The following STK3 variants were observed in gnomAD, a reference collection of about 807,000 sequenced individuals.
STK3 encodes serine/threonine-protein kinase 3.
In STK3, 41 loss-of-function variants were observed where a neutral mutation model predicts 58.0. The observed-to-expected ratio is 0.71, with a 90% CI of 0.55 to 0.92. The LOEUF (loss-of-function observed/expected upper bound fraction) is 0.92, where lower values mean the gene tolerates loss of function less well. Among genes scored for constraint, STK3 ranks in the 40% least tolerant of loss-of-function variants. The probability of loss-of-function intolerance (pLI) is 0.00; values close to 1 mark genes in which losing one functional copy is unlikely to be tolerated. For missense variants in STK3, 479 were observed against 602.7 expected (o/e 0.79, Z 2.15); for synonymous variants, 170 against 191.0 (o/e 0.89, Z 0.91).
chr8:98,568,730 A>G (rs1440574244), intron 8 of STK3, among the ~76,000 whole-genome samples: 1 of 152,222 alleles, frequency 6.6e-6, no homozygotes. Flanking sequence ...ATGAAAAAAT[A>G]GCAAGTTTGG....
intron 1 of STK3, among the ~76,000 whole-genome samples, chr8:98,443,156 T>C (rs546792942): frequency 2.0e-4 from 31 of 152,232 alleles, no homozygotes; most frequent in Non-Finnish European, 3.7e-4. Flanking sequence ...GAGAAACTCA[T>C]GTCTCTCCCT....
intron 3 of STK3, among the ~76,000 whole-genome samples, chr8:98,433,620 C>G (rs1818381749): frequency 6.6e-6 from 1 of 152,186 alleles, no homozygotes; most frequent in East Asian, 1.9e-4. Flanking sequence ...GCCCTCCCTA[C>G]CCACTTCTTC....
chr8:98,753,068 A>C (rs1419920845), intron 3 of STK3, among the ~76,000 whole-genome samples: 3 of 152,188 alleles, frequency 2.0e-5, no homozygotes. Flanking sequence ...TCAAAGACCT[A>C]GAGACCTAGA....
At chr8:98,726,543 C>G (rs1489373064) in intron 4 of STK3, among the ~76,000 whole-genome samples, 2 of 152,294 alleles carry the variant, frequency 1.3e-5, no homozygotes, top group East Asian at 3.9e-4. Context: ...AGAACTCATA[C>G]TCACTCCATG....
chr8:98,849,982 T>A (rs1018762950), intron 3 of STK3, among the ~76,000 whole-genome samples: 7 of 152,194 alleles, frequency 4.6e-5, no homozygotes, highest in African/African-American at 1.7e-4. Flanking sequence ...TTTCTGTATC[T>A]ATTATTCAAT....
intron 6 of STK3, 37 bp downstream of exon 6, chr8:98,706,430 T>A (rs1223784300): frequency 6.4e-7 from 1 of 1,562,740 alleles, no homozygotes. Context: ...AACACTTATA[T>A]AAGGCTAACA....
chr8:98,425,201 C>T (rs1399776698), intron 3 of STK3, among the ~76,000 whole-genome samples: 1 of 152,198 alleles, frequency 6.6e-6, no homozygotes, highest in Non-Finnish European at 1.5e-5. Flanking sequence ...TGTGTGGGAG[C>T]CACAGACCTC....
intron 3 of STK3, among the ~76,000 whole-genome samples, chr8:98,754,269 T>A (rs1830154600): frequency 6.6e-6 from 1 of 151,598 alleles, no homozygotes; most frequent in South Asian, 2.1e-4. Context: ...AAAAAAAAAA[T>A]TCTTTACATG....
At chr8:98,847,690 C>A (rs767322823) in intron 3 of STK3, among the ~76,000 whole-genome samples, 9 of 151,726 alleles carry the variant, frequency 5.9e-5, no homozygotes, top group Non-Finnish European at 8.8e-5. Flanking sequence ...CAGCCAGGAT[C>A]TTTTTCCCTC....
intron 10 of STK3, among the ~76,000 whole-genome samples, chr8:98,460,516 G>A (rs764855957): frequency 2.0e-5 from 3 of 152,194 alleles, no homozygotes; most frequent in Non-Finnish European, 4.4e-5. Flanking sequence ...ATTTTGAAAC[G>A]TAAGGACATG....
intron 3 of STK3, among the ~76,000 whole-genome samples, chr8:98,839,019 C>T (rs1383968357): frequency 3.8e-5 from 5 of 133,132 alleles, no homozygotes; most frequent in Middle Eastern, 3.9e-3. Flanking sequence ...TGTGTGTGTG[C>T]GCTTGTGGCT....
At chr8:98,906,883 C>T (rs1446991240) in intron 1 of STK3, among the ~76,000 whole-genome samples, 1 of 151,898 alleles carries the variant, frequency 6.6e-6, no homozygotes, top group East Asian at 1.9e-4. Flanking sequence ...TGTGGAGGCT[C>T]ACGCCTGTAA....
chr8:98,795,728 T>G (rs1833115933), intron 1 of STK3, among the ~76,000 whole-genome samples: 1 of 152,064 alleles, frequency 6.6e-6, no homozygotes, highest in African/African-American at 2.4e-5. Flanking sequence ...CCAGTAGCAT[T>G]TCTATACACC....
intron 6 of STK3, among the ~76,000 whole-genome samples, chr8:98,703,050 T>C (rs1215673042): frequency 4.6e-5 from 7 of 152,308 alleles, no homozygotes; most frequent in South Asian, 2.1e-4. Context: ...TACCAAAACA[T>C]GGCTGGAAAA....
chr8:98,745,912 T>C (rs2131340165), intron 4 of STK3, among the ~76,000 whole-genome samples: 1 of 152,372 alleles, frequency 6.6e-6, no homozygotes, highest in Non-Finnish European at 1.5e-5. Flanking sequence ...TGGTATAGCC[T>C]ATTGCTCCTA....
At chr8:98,925,410 T>C (rs1370203841) in intron 1 of STK3, among the ~76,000 whole-genome samples, 2 of 152,142 alleles carry the variant, frequency 1.3e-5, no homozygotes, top group Non-Finnish European at 1.5e-5. Flanking sequence ...GTTCCTTAGC[T>C]CTCCCAAGAT....
intron 6 of STK3, among the ~76,000 whole-genome samples, chr8:98,654,892 G>C (rs1351102278): frequency 3.9e-5 from 6 of 152,006 alleles, no homozygotes; most frequent in African/African-American, 1.4e-4. Flanking sequence ...TCAATATCGT[G>C]AAAATGGCCA....
chr8:98,712,353 G>C (rs1213761265), intron 4 of STK3, among the ~76,000 whole-genome samples: 1 of 152,168 alleles, frequency 6.6e-6, no homozygotes, highest in Non-Finnish European at 1.5e-5. Context: ...TGGATACAGA[G>C]TCAAGACCCA....
At chr8:98,572,054 G>T (rs115811679) in intron 8 of STK3, among the ~76,000 whole-genome samples, 255 of 152,156 alleles carry the variant, frequency 1.7e-3, no homozygotes, top group African/African-American at 5.8e-3. Flanking sequence ...TATTTGCTTT[G>T]CTGTTTTACT....
Sources: allele counts gnomAD v4.1 joint callset (sites outside exome capture counted in the v4.1 genomes callset), GRCh38; gene constraint gnomAD v4.1.1; transcripts MANE v1.5; gene names NCBI Gene and HGNC (gene_info 2026-07-23, HGNC 2026-07-21).